The following IMMP2L variants were observed in gnomAD, a reference collection of about 807,000 sequenced individuals.
The protein encoded by IMMP2L is inner mitochondrial membrane peptidase subunit 2.
Under a neutral mutation model 19.3 loss-of-function variants are expected in IMMP2L, and 18 were observed. The ratio of observed to expected loss-of-function variants is 0.93; its 90% CI spans 0.64 to 1.38. The LOEUF (loss-of-function observed/expected upper bound fraction) is 1.38. Among genes scored for constraint, IMMP2L ranks in the 40% most tolerant of loss-of-function variants. IMMP2L has a pLI of 0.00. For missense variants in IMMP2L, 233 were observed against 218.2 expected, an observed-to-expected ratio of 1.07 and a Z score of -0.43; for synonymous variants, 76 against 73.0, an observed-to-expected ratio of 1.04 and a Z score of -0.21.
intron 3 of IMMP2L, among the ~76,000 whole-genome samples, chr7:111,069,408 A>G (rs1443263260): frequency 3.9e-5 from 6 of 152,352 alleles, no homozygotes; most frequent in African/African-American, 1.4e-4. Flanking sequence ...ACAATAGGAC[A>G]TAAAGAGAAC....
At chr7:110,819,337 G>A (rs956317343) in intron 5 of IMMP2L, among the ~76,000 whole-genome samples, 2 of 151,826 alleles carry the variant, frequency 1.3e-5, no homozygotes, top group Non-Finnish European at 2.9e-5. Context: ...ACTGAGAAAG[G>A]CCTTCAAGCC....
intron 5 of IMMP2L, among the ~76,000 whole-genome samples, chr7:110,745,269 C>T (rs1005178158): frequency 5.3e-5 from 8 of 152,278 alleles, no homozygotes; most frequent in Middle Eastern, 3.4e-3. Context: ...ACCAAATCTA[C>T]GTTTGATTGG....
chr7:111,488,414 A>G (rs1842826215), intron 2 of IMMP2L, among the ~76,000 whole-genome samples: 1 of 152,126 alleles, frequency 6.6e-6, no homozygotes, highest in Admixed American at 6.5e-5. Flanking sequence ...TAGCTCCCAC[A>G]TATCAGTGAG....
rs567508798 is a variant in IMMP2L, at chr7:111,067,631, T to C, written c.240-104066A>G. Among the ~76,000 whole-genome samples, 8 of 152,356 alleles carry C rather than the reference T, an allele frequency of 5.3e-5. No individual in the cohort carries two copies. In the East Asian group the frequency reaches 1.5e-3, roughly 29 times the overall value. The stretch of plus-strand genomic sequence containing the variant: ...CCTAATCTGAGTGGACTATTTATTT[T>C]ACTGTTGGCAAGGTCACCAATACAG... On this transcript the variant is annotated intron_variant, in intron 3 of 5. Transcript: ENST00000405709.
chr7:110,893,230 A>T (rs1313784920), intron 4 of IMMP2L, among the ~76,000 whole-genome samples: 1 of 152,206 alleles, frequency 6.6e-6, no homozygotes, highest in African/African-American at 2.4e-5. Context: ...TGACAGACAC[A>T]CAAAACCAAC....
chr7:110,995,440 C>T (rs1318479408), intron 3 of IMMP2L, among the ~76,000 whole-genome samples: 2 of 152,072 alleles, frequency 1.3e-5, no homozygotes, highest in Non-Finnish European at 2.9e-5. Flanking sequence ...AGATGCTAAT[C>T]AGCAAGAGGC....
rs1301121947 is a variant in IMMP2L, at chr7:111,547,513, C to G, written c.-3+14338G>C. Among the ~76,000 whole-genome samples, 8 of 150,372 alleles carry G rather than the reference C, an allele frequency of 5.3e-5. No homozygotes were observed. In the South Asian group the frequency reaches 1.7e-3, roughly 32 times the overall value. ...GCTAAACAAACTGTCATACCCCCCCCCCCTTTTTATCCTGCTTTTTTGCTT... is the reference window on the plus strand; with the variant it reads ...GCTAAACAAACTGTCATACCCCCCCGCCCTTTTTATCCTGCTTTTTTGCTT... On this transcript the variant is annotated intron_variant, in intron 1 of 5. Transcript: ENST00000405709.
intron 5 of IMMP2L, among the ~76,000 whole-genome samples, chr7:110,738,772 G>C (rs1796806401): frequency 1.3e-5 from 2 of 152,128 alleles, no homozygotes; most frequent in South Asian, 4.1e-4. Context: ...ATAGTCATCA[G>C]GTTATCTAAA....
At chr7:111,268,885 C>A (rs1439036320) in intron 3 of IMMP2L, among the ~76,000 whole-genome samples, 1 of 152,030 alleles carries the variant, frequency 6.6e-6, no homozygotes, top group Non-Finnish European at 1.5e-5. Context: ...AGGTATGAGC[C>A]ACTGCACCTG....
At chr7:111,012,285 T>TA (rs1825050158) in intron 3 of IMMP2L, among the ~76,000 whole-genome samples, 1 of 152,198 alleles carries the variant, frequency 6.6e-6, no homozygotes, top group Non-Finnish European at 1.5e-5. Context: ...TTTGAATTTA[T>TA]ATTGTTATTC....
At chr7:111,331,343 G>A (rs772025301) in intron 3 of IMMP2L, among the ~76,000 whole-genome samples, 2 of 151,862 alleles carry the variant, frequency 1.3e-5, no homozygotes, top group Admixed American at 6.6e-5. Context: ...CAAATATCAC[G>A]TTCTCACTTA....
chr7:110,770,163 T>G (rs1327175594), intron 5 of IMMP2L, among the ~76,000 whole-genome samples: 1 of 152,178 alleles, frequency 6.6e-6, no homozygotes, highest in East Asian at 1.9e-4. Context: ...AATAGTGCTA[T>G]AAAATCTCAG....
intron 2 of IMMP2L, among the ~76,000 whole-genome samples, chr7:111,501,752 A>G (rs995944157): frequency 2.0e-5 from 3 of 152,102 alleles, no homozygotes; most frequent in African/African-American, 7.2e-5. Context: ...GAAATAAAAT[A>G]CTTTACAGAG....
rs898590917 is a variant in IMMP2L, at chr7:111,213,857, A to G, written c.240-250292T>C. On this transcript the variant is annotated intron_variant, in intron 3 of 5. Transcript: ENST00000405709. The surrounding 1 kb of genome is among the most constrained non-coding windows in gnomAD (Gnocchi z 4.8). ...CCTCGGAGCTGTTCTGTTGCTCAATAAAGTTCCTCTTTGCCTTGTTCATGT... is the reference window on the plus strand; with the variant it reads ...CCTCGGAGCTGTTCTGTTGCTCAATGAAGTTCCTCTTTGCCTTGTTCATGT... Among the ~76,000 whole-genome samples the G allele has an allele frequency of 2.0e-5, 3 of 152,128 alleles. No individual in the cohort carries two copies. Among genetic ancestry groups the G allele is most frequent in the Admixed American group, 6.5e-5 (1 of 15,274 alleles).
At chr7:110,932,194 C>T (rs923786911) in intron 4 of IMMP2L, among the ~76,000 whole-genome samples, 8 of 152,126 alleles carry the variant, frequency 5.3e-5, no homozygotes, top group Non-Finnish European at 7.3e-5. Flanking sequence ...GGATTCTTAT[C>T]GATGTCCACG....
At chr7:110,896,741 T>G (rs1811368239) in intron 4 of IMMP2L, among the ~76,000 whole-genome samples, 1 of 152,166 alleles carries the variant, frequency 6.6e-6, no homozygotes, top group South Asian at 2.1e-4. Flanking sequence ...TCATCTTCAT[T>G]TAGTTTGTAG....
At chr7:111,319,550 C>A (rs1334100517) in intron 3 of IMMP2L, among the ~76,000 whole-genome samples, 1 of 152,024 alleles carries the variant, frequency 6.6e-6, no homozygotes, top group African/African-American at 2.4e-5. Flanking sequence ...CCAAAATTTT[C>A]ATCATTCAAA....
At chr7:110,861,885 C>G (rs2129542849) in intron 5 of IMMP2L, among the ~76,000 whole-genome samples, 1 of 152,022 alleles carries the variant, frequency 6.6e-6, no homozygotes, top group Non-Finnish European at 1.5e-5. Context: ...ATTATAATAT[C>G]CAAATGCCTA....
chr7:111,340,014 T>C (rs1157628821), intron 3 of IMMP2L, among the ~76,000 whole-genome samples: 1 of 151,966 alleles, frequency 6.6e-6, no homozygotes, highest in African/African-American at 2.4e-5. Flanking sequence ...GATACTACCA[T>C]TCTATATACA....
Sources: allele counts gnomAD v4.1 joint callset (sites outside exome capture counted in the v4.1 genomes callset), GRCh38; gene constraint gnomAD v4.1.1; non-coding constraint Gnocchi (gnomAD v3.1); transcripts MANE v1.5; gene names NCBI Gene and HGNC (gene_info 2026-07-23, HGNC 2026-07-21).